The following PLA2G12A variants were observed in gnomAD, a reference collection of about 807,000 sequenced individuals.
The protein encoded by PLA2G12A is group XIIA secretory phospholipase A2.
Under a neutral mutation model 16.0 loss-of-function variants are expected in PLA2G12A, and 11 were observed. That is an observed-to-expected ratio of 0.69 (90% confidence interval 0.43 to 1.13). The LOEUF (loss-of-function observed/expected upper bound fraction) is 1.13. PLA2G12A is among the 50% of genes most tolerant of loss of function. PLA2G12A has a pLI of 0.00. For synonymous variants in PLA2G12A, 77 were observed against 93.8 expected, an observed-to-expected ratio of 0.82 and a Z score of 1.03; for missense variants, 214 against 237.3, an observed-to-expected ratio of 0.90 and a Z score of 0.65.
chr4:109,715,457 T>A (rs1167917474), intron 3 of PLA2G12A, among the ~76,000 whole-genome samples: 1 of 71,320 alleles, frequency 1.4e-5, no homozygotes, highest in Non-Finnish European at 4.5e-5. Flanking sequence ...AGGTTTATTT[T>A]ATTTATTTAT....
chr4:109,725,510 A>G (rs1722916777), intron 1 of PLA2G12A, among the ~76,000 whole-genome samples: 1 of 152,248 alleles, frequency 6.6e-6, no homozygotes, highest in South Asian at 2.1e-4. Context: ...AAATCAGAGT[A>G]ACATCAAAAC....
intron 3 of PLA2G12A, among the ~76,000 whole-genome samples, chr4:109,716,357 G>A (rs1038799315): frequency 3.3e-5 from 5 of 152,148 alleles, no homozygotes; most frequent in South Asian, 2.1e-4. Flanking sequence ...CTGAACCATC[G>A]TTTCCTTCCT....
chr4:109,711,013 T>C lies in PLA2G12A; in HGVS notation c.*3364A>G, dbSNP rs890281428. ...GCAGTATTATTTTAAAGTATCAATA[T>C]TACATTTCTTGCAAAGAGCTGCTGA... On this transcript the variant is annotated 3_prime_UTR_variant, in exon 4 of 4. Coordinates refer to ENST00000243501, the MANE Select transcript of PLA2G12A (RefSeq NM_030821.5). The C allele has an allele frequency of 1.3e-5, 2 of 151,622 alleles. No individual in the cohort carries two copies. The highest frequency in any genetic ancestry group is 2.9e-5 in the Non-Finnish European group (2 of 67,962). 9.4% of individuals were successfully genotyped at this position (151,622 alleles called of 1,614,324 possible).
rs758619890 is a variant in PLA2G12A at position 109,712,380 on chromosome 4, C to T, written c.*1997G>A. The T allele has an allele frequency of 1.3e-5, 2 of 151,758 alleles. No individual in the cohort carries two copies. Among genetic ancestry groups the T allele is most frequent in the Non-Finnish European group, 2.9e-5 (2 of 67,974 alleles). 9.4% of individuals were successfully genotyped at this position (151,758 alleles called of 1,614,324 possible). ...CTGATTTTTGTATAATTTGTGATCA[C>T]GAATTATATTTTATAACGATATTGA... On this transcript the variant is annotated 3_prime_UTR_variant, in exon 4 of 4. Transcript: ENST00000243501.
chr4:109,729,371 G>A (rs1417255896), intron 1 of PLA2G12A, among the ~76,000 whole-genome samples: 1 of 144,154 alleles, frequency 6.9e-6, no homozygotes, highest in East Asian at 2.3e-4. Flanking sequence ...GGGACGGGGG[G>A]TACACCTCTC....
chr4:109,724,869 T>G (rs1385233163), intron 1 of PLA2G12A, among the ~76,000 whole-genome samples: 3 of 152,074 alleles, frequency 2.0e-5, no homozygotes, highest in Non-Finnish European at 4.4e-5. Context: ...CTACTGTACA[T>G]GAAAAACTGG....
rs1226965777 is a variant in PLA2G12A at position 109,711,929 on chromosome 4, C to T, written c.*2448G>A. On this transcript the variant is annotated 3_prime_UTR_variant, in exon 4 of 4. Transcript: ENST00000243501. The stretch of plus-strand genomic sequence containing the variant: ...TTCTTCCTAAAAATCTATAACCCCA[C>T]TCTAACCATGAGGAAAACATCAGAC... 2 of 152,578 alleles carry T rather than the reference C, an allele frequency of 1.3e-5. No homozygotes were observed. Among genetic ancestry groups the T allele is most frequent in the Non-Finnish European group, 2.9e-5 (2 of 68,048 alleles). The allele number at this position is 152,578 out of a possible 1,614,324, so 9.5% of individuals were successfully genotyped here.
At chr4:109,721,842 AT>A (rs2126167846) in intron 1 of PLA2G12A, among the ~76,000 whole-genome samples, 1 of 152,178 alleles carries the variant, frequency 6.6e-6, no homozygotes, top group South Asian at 2.1e-4. Flanking sequence ...TTACGTTCTT[AT>A]ACCCCACATT....
chr4:109,720,388 G>A (rs1338356972), intron 1 of PLA2G12A, among the ~76,000 whole-genome samples: 1 of 151,356 alleles, frequency 6.6e-6, no homozygotes, highest in Non-Finnish European at 1.5e-5. Context: ...TAAATTGAGG[G>A]TAAAAAAGCA....
At chr4:109,722,941 G>C (rs775906627) in intron 1 of PLA2G12A, among the ~76,000 whole-genome samples, 3 of 152,152 alleles carry the variant, frequency 2.0e-5, no homozygotes, top group Admixed American at 6.5e-5. Context: ...GACTTGGAAG[G>C]CTTGGAATAT....
chr4:109,715,491 A>G (rs1026101548), intron 3 of PLA2G12A, among the ~76,000 whole-genome samples: 1 of 151,298 alleles, frequency 6.6e-6, no homozygotes, highest in Non-Finnish European at 1.5e-5. Context: ...TATTTTATTT[A>G]TTTTTTTGAG....
Position 109,728,944 on chromosome 4 carries a change from CCAAA to C in PLA2G12A, c.208+654_208+657del, listed in dbSNP as rs999682972. On this transcript the variant is annotated intron_variant, in intron 1 of 3. Coordinates refer to ENST00000243501, the MANE Select transcript of PLA2G12A (RefSeq NM_030821.5). ...GAGTTGATTAGTACTCATACCGCCA[CCAAA>C]CAAATTCTCAGGTTCAAAGAGAAAG... is the stretch of plus-strand genomic sequence containing the variant. 9.2e-5 allele frequency among the ~76,000 whole-genome samples: 14 copies of C among 152,236 alleles called. 1 individual carries two copies. In the South Asian group the frequency reaches 1.2e-3, roughly 14 times the overall value.
At chr4:109,717,227 C>G (rs1579123119) in intron 3 of PLA2G12A, among the ~76,000 whole-genome samples, 2 of 152,186 alleles carry the variant, frequency 1.3e-5, no homozygotes, top group African/African-American at 4.8e-5. Context: ...CAACTGGAAT[C>G]AGAGTTTCAA....
In PLA2G12A at chr4:109,730,018, G is replaced by C; in HGVS notation, c.-209C>G. 2.0e-6 allele frequency: 1 copy of C among 508,872 alleles called. No homozygotes were observed. Among genetic ancestry groups the C allele is most frequent in the Non-Finnish European group, 3.4e-6 (1 of 293,494 alleles). 31.5% of individuals were successfully genotyped at this position (508,872 alleles called of 1,614,324 possible). ...GCAGCGCCGTCGCGGGGACGCGCCCGCTCACCTGGACCAGCGCGCCCGCTC... is the reference window on the plus strand; with the variant it reads ...GCAGCGCCGTCGCGGGGACGCGCCCCCTCACCTGGACCAGCGCGCCCGCTC... On this transcript the variant is annotated 5_prime_UTR_variant, in exon 1 of 4. Transcript: ENST00000243501.
At position 109,712,136 on chromosome 4, in the gene PLA2G12A, T is replaced by C. The variant is rs1340817644; in HGVS notation, c.*2241A>G. The C allele has an allele frequency of 1.3e-5, 2 of 152,220 alleles. No homozygotes were observed. The highest frequency in any genetic ancestry group is 4.8e-5 in the African/African-American group (2 of 41,454). 9.4% of individuals were successfully genotyped at this position (152,220 alleles called of 1,614,324 possible). On this transcript the variant is annotated 3_prime_UTR_variant, in exon 4 of 4. Transcript: ENST00000243501. ...AGAAAAATGACATTAATTAAAAAAC[T>C]AGTACAATCTGAAAAATAAAGTCAA...
At chr4:109,723,671 T>G (rs555393926) in intron 1 of PLA2G12A, among the ~76,000 whole-genome samples, 20 of 152,340 alleles carry the variant, frequency 1.3e-4, no homozygotes, top group Non-Finnish European at 2.8e-4. Context: ...TGAAACTCTC[T>G]TTCGTCAGGG....
intron 3 of PLA2G12A, among the ~76,000 whole-genome samples, chr4:109,714,908 A>T (rs79900933): frequency 0.052 from 7,959 of 151,804 alleles, 732 homozygotes; most frequent in African/African-American, 0.18. Context: ...TAAATTTTTT[A>T]AATTTAATTT....
intron 1 of PLA2G12A, among the ~76,000 whole-genome samples, chr4:109,724,523 T>C (rs1722891602): frequency 6.6e-6 from 1 of 152,184 alleles, no homozygotes; most frequent in South Asian, 2.1e-4. Context: ...TAGACTCTGA[T>C]TTCAAATCTA....
chr4:109,718,360 C>T (rs1184428650), intron 2 of PLA2G12A, among the ~76,000 whole-genome samples: 1 of 152,138 alleles, frequency 6.6e-6, no homozygotes, highest in Non-Finnish European at 1.5e-5. Flanking sequence ...TCCCACTTAG[C>T]CTTGTTTTAA....
Sources: allele counts gnomAD v4.1 joint callset (sites outside exome capture counted in the v4.1 genomes callset), GRCh38; gene constraint gnomAD v4.1.1; transcripts MANE v1.5; gene names NCBI Gene and HGNC (gene_info 2026-07-23, HGNC 2026-07-21).